NALF1: variants seen among roughly 807,000 people sequenced by gnomAD.
NALF1 encodes family with sequence similarity 155 member A.
Under a neutral mutation model 48.4 loss-of-function variants are expected in NALF1, and 3 were observed. That is an observed-to-expected ratio of 0.06 (90% CI 0.03 to 0.16). NALF1 has a LOEUF of 0.16. NALF1 is among the 10% of genes least tolerant of loss of function. The probability of loss-of-function intolerance (pLI) is 1.00; values close to 1 mark genes in which losing one functional copy is unlikely to be tolerated. For synonymous variants in NALF1, 262 were observed against 245.7 expected, an observed-to-expected ratio of 1.07 and a Z score of -0.62; for missense variants, 526 against 571.5, an observed-to-expected ratio of 0.92 and a Z score of 0.81.
chr13:107,571,054 T>TG (rs1877973307), intron 1 of NALF1, among the ~76,000 whole-genome samples: 1 of 152,176 alleles, frequency 6.6e-6, no homozygotes, highest in South Asian at 2.1e-4. Flanking sequence ...GAAAATACTT[T>TG]TACAAACATC....
chr13:107,398,937 A>G (rs1342143505), intron 1 of NALF1, among the ~76,000 whole-genome samples: 2 of 152,180 alleles, frequency 1.3e-5, no homozygotes, highest in African/African-American at 4.8e-5. Context: ...AAAGATTATA[A>G]GGAGCTTCCG....
At chr13:107,815,469 C>CACACCAATTAGGATGCCTATAACCAA (rs1594287396) in intron 1 of NALF1, among the ~76,000 whole-genome samples, 1 of 152,258 alleles carries the variant, frequency 6.6e-6, no homozygotes, top group South Asian at 2.1e-4. Context: ...GATACCACTT[C>CACACCAATTAGGATGCCTATAACCAA]ACACCAATTA....
intron 2 of NALF1, among the ~76,000 whole-genome samples, chr13:107,189,149 A>G (rs533662662): frequency 2.0e-4 from 30 of 152,358 alleles, no homozygotes; most frequent in African/African-American, 6.7e-4. Context: ...TAAATTGGGC[A>G]TTTGAAATGT....
chr13:107,822,296 C>G (rs1879381490), intron 1 of NALF1, among the ~76,000 whole-genome samples: 1 of 149,396 alleles, frequency 6.7e-6, no homozygotes, highest in Non-Finnish European at 1.5e-5. Context: ...AAGCTGTTGC[C>G]TGATGTCATG....
At chr13:107,581,406 T>G (rs938024487) in intron 1 of NALF1, among the ~76,000 whole-genome samples, 2 of 152,216 alleles carry the variant, frequency 1.3e-5, no homozygotes, top group African/African-American at 2.4e-5. Flanking sequence ...TTTGTCTTAA[T>G]TATTATATAT....
chr13:107,410,060 T>A (rs903656558), intron 1 of NALF1, among the ~76,000 whole-genome samples: 8 of 152,108 alleles, frequency 5.3e-5, no homozygotes, highest in Non-Finnish European at 7.4e-5. Context: ...AAGGATGGAG[T>A]TTTATGGAAA....
intron 1 of NALF1, among the ~76,000 whole-genome samples, chr13:107,711,461 G>A (rs1459526586): frequency 1.3e-5 from 2 of 152,162 alleles, no homozygotes; most frequent in African/African-American, 4.8e-5. Flanking sequence ...TCAGCCTCTG[G>A]AGTAGCTGGG....
chr13:107,339,475 G>A (rs1882628509), intron 1 of NALF1, among the ~76,000 whole-genome samples: 1 of 152,024 alleles, frequency 6.6e-6, no homozygotes, highest in African/African-American at 2.4e-5. Context: ...ATAGGGGCCT[G>A]CAAATTTGCA....
intron 1 of NALF1, among the ~76,000 whole-genome samples, chr13:107,807,469 C>A (rs1014859472): frequency 7.2e-5 from 11 of 152,152 alleles, no homozygotes; most frequent in Admixed American, 1.3e-4. Context: ...TAGTTTTCAA[C>A]AACAGGAAAA....
chr13:107,295,478 T>G (rs887982417), intron 1 of NALF1, among the ~76,000 whole-genome samples: 9 of 152,192 alleles, frequency 5.9e-5, no homozygotes, highest in Admixed American at 2.0e-4. Context: ...ATTCTCCACC[T>G]CTTGGTAGTG....
rs558991358 is a variant in NALF1 at position 107,480,978 on chromosome 13, T to C, written c.916-270223A>G. On this transcript the variant is annotated intron_variant, in intron 1 of 2. Coordinates refer to ENST00000375915, the MANE Select transcript of NALF1 (RefSeq NM_001080396.3). ...ATATTCCAAAGTAAAACAAACTGGGTTGAAAAAAAAAACTTTGATCGTTTG... is the reference window on the plus strand; with the variant it reads ...ATATTCCAAAGTAAAACAAACTGGGCTGAAAAAAAAAACTTTGATCGTTTG... Among the ~76,000 whole-genome samples, 17 of 152,120 alleles carry C rather than the reference T, an allele frequency of 1.1e-4. No individual in the cohort carries two copies. In the East Asian group the frequency reaches 3.1e-3, roughly 28 times the overall value.
chr13:107,710,795 A>G (rs972218578), intron 1 of NALF1, among the ~76,000 whole-genome samples: 1 of 130,582 alleles, frequency 7.7e-6, no homozygotes, highest in African/African-American at 2.8e-5. Context: ...ATACACATAT[A>G]TGTATATATA....
intron 1 of NALF1, among the ~76,000 whole-genome samples, chr13:107,504,916 A>T (rs1415478469): frequency 6.6e-6 from 1 of 152,226 alleles, no homozygotes; most frequent in Non-Finnish European, 1.5e-5. Flanking sequence ...ACTGTATACC[A>T]AGCCTGGTTT....
intron 1 of NALF1, among the ~76,000 whole-genome samples, chr13:107,253,610 C>G (rs1355366686): frequency 6.6e-6 from 1 of 152,186 alleles, no homozygotes; most frequent in Non-Finnish European, 1.5e-5. Context: ...CTATAACAAG[C>G]TGGGCTTATT....
intron 1 of NALF1, among the ~76,000 whole-genome samples, chr13:107,460,832 C>A (rs1349344953): frequency 6.6e-6 from 1 of 152,124 alleles, no homozygotes; most frequent in African/African-American, 2.4e-5. Context: ...CAGACTATAT[C>A]AAATTTTGCC....
chr13:107,806,151 T>C (rs1400201412), intron 1 of NALF1, among the ~76,000 whole-genome samples: 1 of 152,086 alleles, frequency 6.6e-6, no homozygotes, highest in African/African-American at 2.4e-5. Context: ...GCACATGCGT[T>C]TTAGAGGGCT....
At chr13:107,209,302 T>A (rs7331127) in intron 2 of NALF1, among the ~76,000 whole-genome samples, 2 of 151,906 alleles carry the variant, frequency 1.3e-5, no homozygotes, top group Admixed American at 1.3e-4. Context: ...AGGTCAGGAG[T>A]TGGAGACCAG....
At chr13:107,652,243 T>G (rs1880466688) in intron 1 of NALF1, among the ~76,000 whole-genome samples, 1 of 152,150 alleles carries the variant, frequency 6.6e-6, no homozygotes, top group South Asian at 2.1e-4. Context: ...TAAATTTCTG[T>G]GATTCTGAGT....
At chr13:107,616,189 T>G (rs979032601) in intron 1 of NALF1, among the ~76,000 whole-genome samples, 1 of 152,200 alleles carries the variant, frequency 6.6e-6, no homozygotes, top group Admixed American at 6.5e-5. Flanking sequence ...AAAATAAAAG[T>G]TTATCATCAT....
Sources: allele counts gnomAD v4.1 joint callset (sites outside exome capture counted in the v4.1 genomes callset), GRCh38; gene constraint gnomAD v4.1.1; transcripts MANE v1.5; gene names NCBI Gene and HGNC (gene_info 2026-07-23, HGNC 2026-07-21).